The following ANK3 variants were observed in gnomAD, a reference collection of about 807,000 sequenced individuals.
ANK3 encodes the protein ankyrin-3.
ANK3 carries 57 observed loss-of-function variants against 370.9 expected under a neutral mutation model. The observed-to-expected ratio is 0.15, with a 90% CI of 0.12 to 0.19. The LOEUF (loss-of-function observed/expected upper bound fraction) is 0.19, where lower values mean the gene tolerates loss of function less well. Among genes scored for constraint, ANK3 ranks in the 10% least tolerant of loss-of-function variants. The probability of loss-of-function intolerance (pLI) is 1.00; values close to 1 mark genes in which losing one functional copy is unlikely to be tolerated. For synonymous variants in ANK3, 1,929 were observed against 1,946.3 expected, an observed-to-expected ratio of 0.99 and a Z score of 0.23; for missense variants, 4,439 against 5,302.1, an observed-to-expected ratio of 0.84 and a Z score of 5.06.
chr10:60,555,250 T>C (rs984364755), intron 2 of ANK3, among the ~76,000 whole-genome samples: 2 of 152,116 alleles, frequency 1.3e-5, no homozygotes, highest in Non-Finnish European at 2.9e-5. Flanking sequence ...GGCAGGAAGA[T>C]AGCTTGAGGC....
intron 7 of ANK3, among the ~76,000 whole-genome samples, chr10:60,243,974 T>A (rs2097515369): frequency 6.6e-6 from 1 of 152,074 alleles, no homozygotes; most frequent in Non-Finnish European, 1.5e-5. Context: ...ATGATAGACA[T>A]ATGTGGTATA....
At chr10:60,684,950 A>C in intron 1 of ANK3, 6 of 1,534,444 alleles carry the variant, frequency 3.9e-6, no homozygotes, top group Non-Finnish European at 5.4e-6. Context: ...GGAATTGAGA[A>C]ATTGTTAGCA....
chr10:60,547,516 C>A (rs2076993883), intron 2 of ANK3, among the ~76,000 whole-genome samples: 1 of 152,120 alleles, frequency 6.6e-6, no homozygotes, highest in African/African-American at 2.4e-5. Flanking sequence ...CTGCCCCAGC[C>A]TCCCAAGTAA....
At chr10:60,656,091 T>G (rs2078859515) in intron 1 of ANK3, among the ~76,000 whole-genome samples, 1 of 152,188 alleles carries the variant, frequency 6.6e-6, no homozygotes, top group South Asian at 2.1e-4. Context: ...CATCAAGCAA[T>G]GCATGATTCT....
intron 1 of ANK3, among the ~76,000 whole-genome samples, chr10:60,714,851 G>A (rs1046333009): frequency 6.6e-6 from 1 of 152,062 alleles, no homozygotes; most frequent in African/African-American, 2.4e-5. Context: ...TAAATAAGTG[G>A]GGCACAGAAG....
In ANK3 at chr10:60,539,768, G is replaced by A. The variant is rs190760389; in HGVS notation, c.96+75418C>T. Among the ~76,000 whole-genome samples the A allele has an allele frequency of 1.4e-4, 21 of 152,042 alleles. No homozygotes were observed. The East Asian group carries it at 2.9e-3, about 21-fold the overall frequency. ...TGCAAGACAAAGAGGTGTCTTCTAG[G>A]TCTGTCCACCTGGGTCTTCACCCAC... is the stretch of plus-strand genomic sequence containing the variant. On this transcript the variant is annotated intron_variant, in intron 2 of 43. Transcript: ENST00000373827.
chr10:60,273,859 C>T (rs1035337719), intron 4 of ANK3, among the ~76,000 whole-genome samples: 1 of 152,158 alleles, frequency 6.6e-6, no homozygotes, highest in African/African-American at 2.4e-5. Context: ...TGTGACTTTG[C>T]TCCTTATTTG....
At chr10:60,616,252 T>C (rs1174295570) in intron 1 of ANK3, among the ~76,000 whole-genome samples, 1 of 152,188 alleles carries the variant, frequency 6.6e-6, no homozygotes, top group African/African-American at 2.4e-5. Flanking sequence ...AGCTACATTT[T>C]CTTATTTAAT....
At chr10:60,409,337 G>C (rs2063513941) in intron 2 of ANK3, among the ~76,000 whole-genome samples, 1 of 152,100 alleles carries the variant, frequency 6.6e-6, no homozygotes, top group Non-Finnish European at 1.5e-5. Flanking sequence ...ATTGGAATTG[G>C]TCTCCATTCT....
chr10:60,387,855 G>C (rs562195700), intron 1 of ANK3, among the ~76,000 whole-genome samples: 183 of 152,256 alleles, frequency 1.2e-3, no homozygotes, highest in African/African-American at 4.1e-3. Flanking sequence ...TGTCATCACT[G>C]CTACCGAAAA....
At chr10:60,468,046 A>C (rs2065049417) in intron 2 of ANK3, among the ~76,000 whole-genome samples, 1 of 147,926 alleles carries the variant, frequency 6.8e-6, no homozygotes, top group African/African-American at 2.5e-5. Flanking sequence ...GTGCAGTGGC[A>C]TGATCTCGGC....
intron 1 of ANK3, among the ~76,000 whole-genome samples, chr10:60,694,508 T>A (rs1238938932): frequency 6.6e-6 from 1 of 152,004 alleles, no homozygotes; most frequent in Non-Finnish European, 1.5e-5. Context: ...AAAGGTCGGG[T>A]TACCCTCAAA....
chr10:60,317,436 C>T (rs978200514), intron 1 of ANK3, among the ~76,000 whole-genome samples: 4 of 152,052 alleles, frequency 2.6e-5, no homozygotes, highest in Non-Finnish European at 5.9e-5. Flanking sequence ...TACTTGGATG[C>T]CTTTTTAAAC....
intron 1 of ANK3, among the ~76,000 whole-genome samples, chr10:60,696,951 G>T (rs1241232309): frequency 7.4e-4 from 105 of 142,222 alleles, no homozygotes; most frequent in African/African-American, 2.7e-3. Context: ...TAGGAAAAGA[G>T]GAAGTCAAAT....
At chr10:60,420,811 TAAAC>T (rs1373647265) in intron 2 of ANK3, among the ~76,000 whole-genome samples, 6 of 151,996 alleles carry the variant, frequency 3.9e-5, no homozygotes, top group African/African-American at 1.4e-4. Flanking sequence ...CTCCAAAAGT[TAAAC>T]AAAGAATTAC....
intron 1 of ANK3, among the ~76,000 whole-genome samples, chr10:60,625,212 T>G (rs2078392330): frequency 3.3e-5 from 5 of 151,468 alleles, no homozygotes; most frequent in Admixed American, 3.3e-4. Context: ...GACTTGGGAG[T>G]AGAGAAGACA....
chr10:60,253,116 A>T (rs1481090478), intron 7 of ANK3, among the ~76,000 whole-genome samples: 2 of 152,212 alleles, frequency 1.3e-5, no homozygotes, highest in African/African-American at 4.8e-5. Flanking sequence ...CAGCATTCTG[A>T]CAGTGCGGTT....
At chr10:60,176,783 TA>T (rs1252511926) in intron 18 of ANK3, among the ~76,000 whole-genome samples, 2 of 151,890 alleles carry the variant, frequency 1.3e-5, no homozygotes, top group African/African-American at 4.8e-5. Flanking sequence ...ATAAATAAAA[TA>T]AACAAAAACA....
At chr10:60,659,232 C>G (rs550283074) in intron 1 of ANK3, among the ~76,000 whole-genome samples, 3 of 152,190 alleles carry the variant, frequency 2.0e-5, no homozygotes, top group Non-Finnish European at 4.4e-5. Context: ...GATTTCTGAT[C>G]CCTGGTACCT....
Sources: allele counts gnomAD v4.1 joint callset (sites outside exome capture counted in the v4.1 genomes callset), GRCh38; gene constraint gnomAD v4.1.1; transcripts MANE v1.5; gene names NCBI Gene and HGNC (gene_info 2026-07-23, HGNC 2026-07-21).